Variants in SKAP2 observed in about 807,000 individuals in gnomAD.
The protein encoded by SKAP2 is src kinase-associated phosphoprotein 2.
A neutral mutation model predicts 54.9 loss-of-function variants in SKAP2; 28 were observed. That is an observed-to-expected ratio of 0.51 (90% CI 0.38 to 0.70). SKAP2 has a LOEUF of 0.70. SKAP2 is among the 30% of genes least tolerant of loss of function. The probability of loss-of-function intolerance (pLI) is 0.00; values close to 1 mark genes in which losing one functional copy is unlikely to be tolerated. For missense variants in SKAP2, 356 were observed against 424.1 expected (o/e 0.84, Z 1.41); for synonymous variants, 137 against 134.3 (o/e 1.02, Z -0.14).
At position 26,864,370 on chromosome 7, in the gene SKAP2, C is replaced by G. The variant is rs746890587; in HGVS notation, c.60G>C (p.Leu20=). Residue 20 remains leucine (L), a synonymous_variant, in exon 1 of 13, where the codon CTG becomes CTC. Transcript: ENST00000345317. ...PYPLPEEIRN[L]LADVETFVAD... ...CGCCTTCCCGCTCTTTACCTGCCAA[C>G]AGGTTCCTAATTTCCTCAGGGAGGG... The G allele has an allele frequency of 3.7e-6, 6 of 1,613,720 alleles. No homozygotes were observed. The highest frequency in any genetic ancestry group is 2.2e-5 in the East Asian group (1 of 44,774).
chr7:26,832,148 T>C (rs1409141720), intron 4 of SKAP2, among the ~76,000 whole-genome samples: 2 of 152,212 alleles, frequency 1.3e-5, no homozygotes, highest in Admixed American at 1.3e-4. Context: ...CTTAGAGTAT[T>C]TATGGTCAAT....
chr7:26,854,245 TCTATATTAAAAATACACAC>T, intron 2 of SKAP2, 83 bp from the exon 3 acceptor site: 1 of 870,058 alleles, frequency 1.1e-6, no homozygotes. Context: ...AAATCCAAAA[TCTATATTAAAAATACACAC>T]CTAGATATAC....
intron 4 of SKAP2, among the ~76,000 whole-genome samples, chr7:26,829,882 A>G (rs1218972039): frequency 6.6e-6 from 1 of 152,246 alleles, no homozygotes; most frequent in Non-Finnish European, 1.5e-5. Flanking sequence ...CATATGATAC[A>G]GTAATTTCGT....
intron 4 of SKAP2, among the ~76,000 whole-genome samples, chr7:26,813,470 TA>T: frequency 6.6e-6 from 1 of 152,288 alleles, no homozygotes; most frequent in Admixed American, 6.5e-5. Context: ...CAATCAACAA[TA>T]AAGTATTATT....
chr7:26,720,586 C>A (rs1018948991), intron 9 of SKAP2, among the ~76,000 whole-genome samples: 1 of 152,044 alleles, frequency 6.6e-6, no homozygotes, highest in African/African-American at 2.4e-5. Flanking sequence ...TAAAGACATA[C>A]CCAAGACTGG....
At chr7:26,762,122 T>C (rs1008401177) in intron 4 of SKAP2, among the ~76,000 whole-genome samples, 11 of 152,054 alleles carry the variant, frequency 7.2e-5, no homozygotes, top group African/African-American at 2.4e-4. Flanking sequence ...AAGTTCAATT[T>C]ATTCATAGCT....
At chr7:26,821,635 T>A (rs1410252961) in intron 4 of SKAP2, among the ~76,000 whole-genome samples, 1 of 152,170 alleles carries the variant, frequency 6.6e-6, no homozygotes, top group African/African-American at 2.4e-5. Flanking sequence ...TTTGACTGGA[T>A]TCTCAATACT....
chr7:26,698,847 A>G (rs1221401239), intron 9 of SKAP2, among the ~76,000 whole-genome samples: 2 of 152,352 alleles, frequency 1.3e-5, no homozygotes, highest in Admixed American at 6.5e-5. Flanking sequence ...TGAGCTTTCA[A>G]GCAAAAATTA....
At chr7:26,758,732 T>G (rs1340422648) in intron 4 of SKAP2, among the ~76,000 whole-genome samples, 1 of 152,230 alleles carries the variant, frequency 6.6e-6, no homozygotes, top group Non-Finnish European at 1.5e-5. Context: ...TTCTCTGATA[T>G]AGATAATTCT....
chr7:26,806,330 A>T (rs893011002), intron 4 of SKAP2, among the ~76,000 whole-genome samples: 1 of 152,176 alleles, frequency 6.6e-6, no homozygotes, highest in Non-Finnish European at 1.5e-5. Context: ...AAGTGGGAGG[A>T]TCACTTGAGC....
rs372615981 is a variant in SKAP2 at position 26,706,534 on chromosome 7, G to A, written c.797-16172C>T. Among the ~76,000 whole-genome samples, 55 of 152,122 alleles carry A rather than the reference G, an allele frequency of 3.6e-4. No homozygotes were observed. In the East Asian group the frequency reaches 3.7e-3, roughly 10 times the overall value. On this transcript the variant is annotated intron_variant, in intron 9 of 12. Coordinates refer to ENST00000345317, the MANE Select transcript of SKAP2 (RefSeq NM_003930.5). ...TAAAATCAGCTGTCACAAATGTAGC[G>A]AACAGTGAAAAAGCCATGATACAAA...
intron 4 of SKAP2, among the ~76,000 whole-genome samples, chr7:26,770,283 G>T (rs547956582): frequency 6.6e-6 from 1 of 152,238 alleles, no homozygotes; most frequent in Non-Finnish European, 1.5e-5. Context: ...TCAAGCCTCA[G>T]TAATGGTGGA....
intron 4 of SKAP2, among the ~76,000 whole-genome samples, chr7:26,799,100 C>T (rs1169386468): frequency 7.0e-6 from 1 of 142,102 alleles, no homozygotes; most frequent in Non-Finnish European, 1.6e-5. Flanking sequence ...CAGGGCAAGG[C>T]AAGGCAAGGC....
chr7:26,845,932 T>C (rs1562633708), intron 3 of SKAP2, among the ~76,000 whole-genome samples: 1 of 151,516 alleles, frequency 6.6e-6, no homozygotes, highest in East Asian at 1.9e-4. Flanking sequence ...ACCCCATCTC[T>C]AAAAAAAAAT....
At chr7:26,844,186 T>C in intron 3 of SKAP2, 49 bp from the exon 4 acceptor site, 1 of 1,084,356 alleles carries the variant, frequency 9.2e-7, no homozygotes, top group Non-Finnish European at 1.4e-6. Context: ...ACTTTAGCCA[T>C]TTAAAGTAAT....
intron 3 of SKAP2, among the ~76,000 whole-genome samples, chr7:26,853,049 T>C (rs997205867): frequency 2.0e-5 from 3 of 152,164 alleles, no homozygotes; most frequent in Non-Finnish European, 4.4e-5. Flanking sequence ...CATTTCTTTA[T>C]TTAAGTGTTA....
Position 26,684,853 on chromosome 7 carries a change from G to A in SKAP2, c.875-5C>T, listed in dbSNP as rs771564994. The A allele has an allele frequency of 2.6e-6, 4 of 1,547,936 alleles. No homozygotes were observed. The African/African-American group carries it at 5.5e-5, about 21-fold the overall frequency. ...CATAATCAGTGCTCTTATCCCCTAG[G>A]AAGAAGAAAGAGAAAGCATGAATTA... On this transcript the variant is annotated splice_polypyrimidine_tract_variant and splice_region_variant and intron_variant, in intron 10 of 12. Coordinates refer to ENST00000345317, the MANE Select transcript of SKAP2 (RefSeq NM_003930.5).
rs563748337 is a variant in SKAP2 at position 26,690,132 on chromosome 7, G to A, written c.874+153C>T. ...CAAGTGGTTTTCATGCATCCTAAAT[G>A]GGACTAAGCAGCTTATCAGCCATAA... On this transcript the variant is annotated intron_variant, in intron 10 of 12. Transcript: ENST00000345317. Among the ~76,000 whole-genome samples the A allele has an allele frequency of 3.3e-5, 5 of 152,280 alleles. No individual in the cohort carries two copies. The East Asian group carries it at 7.7e-4, about 23-fold the overall frequency.
intron 4 of SKAP2, among the ~76,000 whole-genome samples, chr7:26,830,184 A>G (rs937501383): frequency 6.6e-6 from 1 of 152,234 alleles, no homozygotes; most frequent in African/African-American, 2.4e-5. Flanking sequence ...CACATTATAT[A>G]AATCTGTAGA....
Sources: gnomAD v4.1 joint callset for allele counts (sites outside exome capture counted in the v4.1 genomes callset) on GRCh38, gnomAD v4.1.1 for gene constraint, MANE v1.5 for transcripts, NCBI Gene and HGNC (gene_info 2026-07-23, HGNC 2026-07-21) for gene names.